The following LPA variants were observed in gnomAD, a reference collection of about 807,000 sequenced individuals.
LPA encodes apolipoprotein(a).
In LPA, 199 loss-of-function variants were observed where a neutral mutation model predicts 197.9. That is an observed-to-expected ratio of 1.01 (90% CI 0.90 to 1.13). The LOEUF (loss-of-function observed/expected upper bound fraction) is 1.13, where lower values mean the gene tolerates loss of function less well. Ranked by LOEUF, LPA falls within the 50% of genes most tolerant of loss-of-function variation. The pLI is 0.00. For synonymous variants in LPA, 715 were observed against 639.5 expected, an observed-to-expected ratio of 1.12 and a Z score of -1.78; for missense variants, 1,853 against 1,785.8, an observed-to-expected ratio of 1.04 and a Z score of -0.68.
chr6:160,604,063 G>A (rs549883366), intron 18 of LPA, among the ~76,000 whole-genome samples: 10 of 152,048 alleles, frequency 6.6e-5, no homozygotes, highest in Non-Finnish European at 1.0e-4. Flanking sequence ...CCTTTTTCTG[G>A]GCACATGCAA....
intron 36 of LPA, among the ~76,000 whole-genome samples, chr6:160,539,603 C>T (rs916847706): frequency 1.3e-5 from 2 of 152,120 alleles, no homozygotes; most frequent in African/African-American, 4.8e-5. Context: ...GCAATTCTTC[C>T]TCGTCAGCCT....
chr6:160,615,675 G>A (rs9457964), intron 14 of LPA, among the ~76,000 whole-genome samples: 1 of 61,934 alleles, frequency 1.6e-5, no homozygotes, highest in Admixed American at 1.6e-4. Context: ...TGTATTACCC[G>A]ATTTATTTCC....
At chr6:160,634,027 C>G in intron 7 of LPA, 115 bp from the exon 8 acceptor site, 2 of 1,466,384 alleles carry the variant, frequency 1.4e-6, no homozygotes, top group Non-Finnish European at 1.9e-6. Context: ...TTATCTTTCC[C>G]TTACCTGTAG....
intron 1 of LPA, among the ~76,000 whole-genome samples, chr6:160,655,567 C>A (rs773200193): frequency 0.014 from 2,135 of 152,320 alleles, 20 homozygotes; most frequent in Middle Eastern, 0.031. Context: ...GCCCACCAGG[C>A]ATTGTGCCTC....
chr6:160,647,803 A>T (rs562979091), intron 2 of LPA, among the ~76,000 whole-genome samples: 121 of 152,360 alleles, frequency 7.9e-4, no homozygotes, highest in African/African-American at 2.8e-3. Context: ...GTAAAGTTAA[A>T]TATATTGGTA....
At chr6:160,577,427 G>C (rs1410807860) in intron 27 of LPA, 132 bp from the exon 28 acceptor site, 6 of 743,940 alleles carry the variant, frequency 8.1e-6, no homozygotes, top group Middle Eastern at 4.9e-4. Context: ...GTAGCAAAAG[G>C]ATGTGAAAAG....
At position 160,647,287 on chromosome 6, in the gene LPA, G is replaced by A. The variant is rs569462599; in HGVS notation, c.210-892C>T. Among the ~76,000 whole-genome samples the A allele has an allele frequency of 1.3e-5, 2 of 152,198 alleles. 1 individual carries two copies. The highest frequency in any genetic ancestry group is 2.9e-5 in the Non-Finnish European group (2 of 68,034). ...AAACAATGAATTAGGAGGCAAAGCA[G>A]CTGAGGAGTTTGGGCTGCGGGGATC... On this transcript the variant is annotated intron_variant, in intron 2 of 38. Transcript: ENST00000316300.
At chr6:160,552,537 A>T (rs750926244) in intron 30 of LPA, among the ~76,000 whole-genome samples, 24 of 152,214 alleles carry the variant, frequency 1.6e-4, no homozygotes, top group Admixed American at 3.9e-4. Context: ...TTTCCAAAGG[A>T]TCATAGCATG....
At chr6:160,650,312 T>C (rs766996320) in intron 2 of LPA, 26 bp downstream of exon 2, 1 of 1,611,634 alleles carries the variant, frequency 6.2e-7, no homozygotes, top group Non-Finnish European at 8.5e-7. Flanking sequence ...GACCTTGTTT[T>C]GCTTACTGTA....
At position 160,606,569 on chromosome 6, in the gene LPA, C is replaced by G. The variant is rs1433148515; in HGVS notation, c.2693G>C (p.Cys898Ser). 1.2e-6 allele frequency: 2 copies of G among 1,613,806 alleles called. No homozygotes were observed. Among genetic ancestry groups the G allele is most frequent in the Non-Finnish European group, 1.7e-6 (2 of 1,179,924 alleles). The change falls in exon 17 of 39, where the codon TGC (cysteine) becomes TCC (serine). Residue 898 changes from cysteine to serine, a missense_variant. This residue lies in a region of LPA where 1,737 missense variants were observed against 1,504.4 expected (regional missense o/e 1.15). Transcript: ENST00000316300. Reference sequence around the variant, plus strand: ...TGCGTCTGAGCATTGTGTCAGGTTGCAGTACTCCCACCTGACACTGGGATC... The same window carrying G: ...TGCGTCTGAGCATTGTGTCAGGTTGGAGTACTCCCACCTGACACTGGGATC... ...TRDPSVRWEY[C>S]NLTQCSDAEG...
At chr6:160,578,458 G>T (rs979508083) in intron 27 of LPA, 65 bp downstream of exon 27, 1 of 1,586,398 alleles carries the variant, frequency 6.3e-7, no homozygotes, top group African/African-American at 1.3e-5. Flanking sequence ...GAAGGCTTCT[G>T]CATCAGTAAG....
intron 20 of LPA, among the ~76,000 whole-genome samples, chr6:160,598,452 T>C (rs1283390946): frequency 6.6e-6 from 1 of 152,230 alleles, no homozygotes; most frequent in African/African-American, 2.4e-5. Context: ...GCAGGAAGGG[T>C]CTCCTTGAAG....
At chr6:160,583,545 G>A (rs1164250740) in intron 26 of LPA, among the ~76,000 whole-genome samples, 3 of 152,124 alleles carry the variant, frequency 2.0e-5, no homozygotes, top group Non-Finnish European at 2.9e-5. Context: ...TGCTATGTGA[G>A]CTCTGGCATC....
In LPA at chr6:160,578,563, T is replaced by C. The variant is rs1389727816; in HGVS notation, c.4431A>G (p.Thr1477=). ...VTESSVLTTP[T]VAPVPSTEAP... is the part of the protein sequence containing the mutation. ...CCTCTGTGCTTGGAACCGGGGCCAC[T>C]GTGGGAGTTGTGAGGACACTCGATT... Residue 1477 remains threonine, a synonymous_variant, in exon 27 of 39, where the codon ACA becomes ACG. Coordinates refer to ENST00000316300, the MANE Select transcript of LPA (RefSeq NM_005577.4). 6.2e-7 allele frequency: 1 copy of C among 1,613,946 alleles called. No homozygotes were observed. The highest frequency in any genetic ancestry group is 2.2e-5 in the East Asian group (1 of 44,876).
chr6:160,651,185 C>G (rs1779999306), intron 1 of LPA, among the ~76,000 whole-genome samples: 1 of 152,178 alleles, frequency 6.6e-6, no homozygotes. Flanking sequence ...CTTCAAAGCC[C>G]TGCAGAACCT....
Position 160,635,472 on chromosome 6 carries a change from C to G in LPA, c.894-168G>C, listed in dbSNP as rs1343265156. On this transcript the variant is annotated intron_variant, in intron 6 of 38. Coordinates refer to ENST00000316300, the MANE Select transcript of LPA (RefSeq NM_005577.4). ...CAAAAATGGCTCTCGATCACTAATC[C>G]TCTCTGCACATCTCTCATACTTAAT... is the stretch of plus-strand genomic sequence containing the variant. Among the ~76,000 whole-genome samples the G allele has an allele frequency of 9.0e-3, 857 of 94,844 alleles. 24 individuals are homozygous for G. The Middle Eastern group carries it at 0.1, about 12-fold the overall frequency. The allele number at this position is 94,844 out of a possible 152,430, so 62.2% of individuals were successfully genotyped here.
Position 160,532,595 on chromosome 6 carries a change from T to C in LPA, c.5897A>G (p.Glu1966Gly), listed in dbSNP as rs759203171. 16 of 1,613,664 alleles carry C rather than the reference T, an allele frequency of 9.9e-6. No homozygotes were observed. The East Asian group carries it at 3.6e-4, about 36-fold the overall frequency. The change falls in exon 38 of 39, where the codon GAA (glutamate) becomes GGA (glycine). Residue 1966 changes from glutamate (E) to glycine (G), a missense_variant. By Grantham distance (98) the Glu-to-Gly change is moderately conservative. Around this residue, in one of 3 missense-constraint regions of LPA, gnomAD observed 1,737 missense variants for 1,504.4 expected, o/e 1.15. Transcript: ENST00000316300. ...KEAQLLVIEN[E>G]VCNHYKYICA... ...AATATACTTATAGTGATTGCACACT[T>C]CATTCTCAATAACAAGGAGCTGGGC...
At position 160,537,913 on chromosome 6, in the gene LPA, T is replaced by G. The variant is rs1361694553; in HGVS notation, c.5784A>C (p.Pro1928=). The part of the protein sequence containing the change: ...DKVMPACLPS[P]DYMVTARTEC... The stretch of plus-strand genomic sequence containing the variant: ...CAGTCCTGGCGGTGACCATGTAGTC[T>G]GGGGATGGCAGACAAGCTGGCATTA... Residue 1928 remains proline, a synonymous_variant, in exon 37 of 39, where the codon CCA becomes CCC. Transcript: ENST00000316300. 1.2e-6 allele frequency: 2 copies of G among 1,614,114 alleles called. No individual in the cohort carries two copies. Among genetic ancestry groups the G allele is most frequent in the African/African-American group, 2.7e-5 (2 of 74,946 alleles).
rs1777825243 is a variant in LPA, at chr6:160,532,668, A to C, written c.5843-19T>G. ...AAGGTACCTGTGTTTAAAAAGATGA[A>C]AGAAATGGTTACTGAGGCCAAAGCT... On this transcript the variant is annotated intron_variant, in intron 37 of 38. Transcript: ENST00000316300. 1 of 1,508,344 alleles carries C rather than the reference A, an allele frequency of 6.6e-7. No homozygotes were observed. Among genetic ancestry groups the C allele is most frequent in the South Asian group, 1.1e-5 (1 of 88,806 alleles). The allele number at this position is 1,508,344 out of a possible 1,614,324, so 93.4% of individuals were successfully genotyped here.
Sources: allele counts gnomAD v4.1 joint callset (sites outside exome capture counted in the v4.1 genomes callset), GRCh38; gene constraint gnomAD v4.1.1; regional missense constraint gnomAD v4.1.1; transcripts MANE v1.5; gene names NCBI Gene and HGNC (gene_info 2026-07-23, HGNC 2026-07-21).